Variants in SPATA13 observed in about 807,000 individuals in gnomAD.
The protein encoded by SPATA13 is spermatogenesis-associated protein 13.
Under a neutral mutation model 104.0 loss-of-function variants are expected in SPATA13, and 50 were observed. That is an observed-to-expected ratio of 0.48 (90% CI 0.38 to 0.61). The LOEUF (loss-of-function observed/expected upper bound fraction) is 0.61. Ranked by LOEUF, SPATA13 falls within the 20% of genes least tolerant of loss-of-function variation. The pLI is 0.00. For missense variants in SPATA13, 1,524 were observed against 1,690.6 expected (o/e 0.90, Z 1.73); for synonymous variants, 606 against 667.5 (o/e 0.91, Z 1.42).
chr13:24,228,643 G>A (rs2138622069), intron 2 of SPATA13, among the ~76,000 whole-genome samples: 1 of 152,236 alleles, frequency 6.6e-6, no homozygotes, highest in Non-Finnish European at 1.5e-5. Context: ...TGAGTTAAAA[G>A]CAATTTTTGT....
At chr13:23,987,188 A>C (rs1339764197) in intron 2 of SPATA13, among the ~76,000 whole-genome samples, 1 of 152,102 alleles carries the variant, frequency 6.6e-6, no homozygotes, top group East Asian at 1.9e-4. Flanking sequence ...GGGATGGATA[A>C]TCTTGGGGTC....
chr13:24,019,804 T>C (rs1317979899), intron 3 of SPATA13, among the ~76,000 whole-genome samples: 1 of 152,164 alleles, frequency 6.6e-6, no homozygotes, highest in Non-Finnish European at 1.5e-5. Flanking sequence ...GAGAATCATT[T>C]GGTGTTTAGG....
chr13:24,082,134 T>C (rs1879540746), intron 3 of SPATA13, among the ~76,000 whole-genome samples: 1 of 152,226 alleles, frequency 6.6e-6, no homozygotes, highest in African/African-American at 2.4e-5. Flanking sequence ...TGTGCCAACC[T>C]CTATGCTAGT....
intron 2 of SPATA13, among the ~76,000 whole-genome samples, chr13:24,226,660 T>A (rs918388219): frequency 6.6e-6 from 1 of 152,160 alleles, no homozygotes; most frequent in African/African-American, 2.4e-5. Flanking sequence ...TAGAGAATAA[T>A]CCCCTAGCAA....
chr13:23,983,842 T>A, exon 2 of SPATA13: 1 of 976,744 alleles, frequency 1.0e-6, no homozygotes, highest in African/African-American at 1.7e-5. Flanking sequence ...TCATATTCGC[T>A]GCCTGTGCAG....
At chr13:24,274,494 G>C (rs990484356) in intron 4 of SPATA13, among the ~76,000 whole-genome samples, 3 of 152,214 alleles carry the variant, frequency 2.0e-5, no homozygotes, top group African/African-American at 7.2e-5. Flanking sequence ...TGGAAATTGT[G>C]CATCATGTTT....
At chr13:24,066,414 G>C in intron 3 of SPATA13, among the ~76,000 whole-genome samples, 1 of 152,188 alleles carries the variant, frequency 6.6e-6, no homozygotes, top group East Asian at 1.9e-4. Context: ...AAGTCATACG[G>C]CCCGGAGGTG....
intron 3 of SPATA13, among the ~76,000 whole-genome samples, chr13:24,045,466 T>G (rs1483266225): frequency 4.6e-4 from 2 of 4,308 alleles, no homozygotes; most frequent in Non-Finnish European, 0.025. Context: ...TCAAATGCCC[T>G]AAACAAGCTA....
chr13:24,037,259 G>A lies in SPATA13; in HGVS notation c.-112+19558G>A, dbSNP rs1303048911. 4.7e-5 allele frequency among the ~76,000 whole-genome samples: 7 copies of A among 150,052 alleles called. 1 individual carries two copies. Among genetic ancestry groups the A allele is most frequent in the Middle Eastern group, 3.4e-3 (1 of 294 alleles). On this transcript the variant is annotated intron_variant, in intron 3 of 14. Transcript: ENST00000424834. ...AGGAGATATACCTAATGTAAATGAC[G>A]AGTTAATGGGTGCAGCACACCAACA...
At chr13:24,260,406 G>A (rs1301868878) in intron 4 of SPATA13, among the ~76,000 whole-genome samples, 1 of 152,188 alleles carries the variant, frequency 6.6e-6, no homozygotes, top group African/African-American at 2.4e-5. Flanking sequence ...TGTGGCCTGC[G>A]CTTGCCTTCC....
At chr13:24,253,719 C>G (rs1336476114) in intron 4 of SPATA13, among the ~76,000 whole-genome samples, 1 of 152,050 alleles carries the variant, frequency 6.6e-6, no homozygotes, top group East Asian at 1.9e-4. Context: ...GGAGGTGACG[C>G]TGGGGACAGG....
chr13:24,178,161 T>C (rs1868549849), intron 1 of SPATA13, among the ~76,000 whole-genome samples: 1 of 152,200 alleles, frequency 6.6e-6, no homozygotes, highest in Non-Finnish European at 1.5e-5. Flanking sequence ...GCTTGATTGT[T>C]TTTTAAACTG....
intron 9 of SPATA13, among the ~76,000 whole-genome samples, chr13:24,292,052 G>A (rs1427884250): frequency 2.6e-5 from 4 of 152,154 alleles, no homozygotes; most frequent in South Asian, 4.1e-4. Flanking sequence ...CACCGCGCCC[G>A]GCCTCTCTCT....
intron 3 of SPATA13, among the ~76,000 whole-genome samples, chr13:24,052,852 CTG>C (rs1401159610): frequency 3.6e-3 from 370 of 102,080 alleles, no homozygotes; most frequent in Middle Eastern, 0.011. Context: ...CCACTGTGCC[CTG>C]CCCACCACAT....
At chr13:24,159,560 A>G (rs1257864654), upstream of SPATA13, among the ~76,000 whole-genome samples, 1 of 152,182 alleles carries the variant, frequency 6.6e-6, no homozygotes, top group Non-Finnish European at 1.5e-5. Context: ...CACATGTGTT[A>G]TGATTGATGG....
chr13:24,039,188 C>T (rs1265185584), intron 3 of SPATA13, among the ~76,000 whole-genome samples: 1 of 152,190 alleles, frequency 6.6e-6, no homozygotes, highest in Non-Finnish European at 1.5e-5. Context: ...TGTATGATGT[C>T]ACCACAGTGC....
intron 3 of SPATA13, among the ~76,000 whole-genome samples, chr13:24,121,462 A>C (rs1185284398): frequency 1.3e-5 from 2 of 152,180 alleles, no homozygotes; most frequent in African/African-American, 2.4e-5. Flanking sequence ...GTGCCAATTC[A>C]TTTCCTGATT....
chr13:24,288,407 T>C (rs957664036), intron 7 of SPATA13, among the ~76,000 whole-genome samples: 1 of 152,266 alleles, frequency 6.6e-6, no homozygotes. Flanking sequence ...GAGTTAGCTG[T>C]TACATGTATG....
At chr13:24,291,851 GGTTCACGCCATTCTCCTGCCTCA>G (rs1235437715) in intron 9 of SPATA13, among the ~76,000 whole-genome samples, 1 of 150,572 alleles carries the variant, frequency 6.6e-6, no homozygotes, top group Non-Finnish European at 1.5e-5. Flanking sequence ...CCGCTTCCCG[GGTTCACGCCATTCTCCTGCCTCA>G]GCCTCCCGAG....
Sources: allele counts gnomAD v4.1 joint callset (sites outside exome capture counted in the v4.1 genomes callset), GRCh38; gene constraint gnomAD v4.1.1; transcripts MANE v1.5; gene names NCBI Gene and HGNC (gene_info 2026-07-23, HGNC 2026-07-21).